The following E2F6 variants were observed in gnomAD, a reference collection of about 807,000 sequenced individuals.
The protein encoded by E2F6 is transcription factor E2F6.
Under a neutral mutation model 31.5 loss-of-function variants are expected in E2F6, and 19 were observed. That is an observed-to-expected ratio of 0.60 (90% CI 0.42 to 0.89). E2F6 has a LOEUF of 0.89. Among genes scored for constraint, E2F6 ranks in the 40% least tolerant of loss-of-function variants. The probability of loss-of-function intolerance (pLI) is 0.00; values close to 1 mark genes in which losing one functional copy is unlikely to be tolerated. For missense variants in E2F6, 269 were observed against 341.6 expected (o/e 0.79, Z 1.67); for synonymous variants, 121 against 127.7 (o/e 0.95, Z 0.36).
chr2:11,456,365 A>G (rs956451965), intron 2 of E2F6, among the ~76,000 whole-genome samples: 11 of 152,108 alleles, frequency 7.2e-5, no homozygotes, highest in African/African-American at 2.7e-4. Flanking sequence ...TAAGAAGGAG[A>G]CCCAGCAACT....
At chr2:11,451,528 T>G in intron 4 of E2F6, 123 bp downstream of exon 4, 1 of 1,056,114 alleles carries the variant, frequency 9.5e-7, no homozygotes, top group Non-Finnish European at 1.3e-6. Context: ...AATTTTGTAT[T>G]TAACTTTCAA....
At position 11,466,104 on chromosome 2, in the gene E2F6, G is replaced by C; in HGVS notation, c.-225C>G. The C allele has an allele frequency of 2.0e-6, 1 of 495,024 alleles. No homozygotes were observed. The highest frequency in any genetic ancestry group is 3.5e-6 in the Non-Finnish European group (1 of 282,920). 30.7% of individuals were successfully genotyped at this position (495,024 alleles called of 1,614,324 possible). On this transcript the variant is annotated 5_prime_UTR_variant, in exon 1 of 7. Coordinates refer to ENST00000381525, the MANE Select transcript of E2F6 (RefSeq NM_198256.4). ...CCCGACGCAGACGGAAAAAGAGGAG[G>C]GAGACCCGCGGATCTCAAGTCGCCC...
In E2F6 at chr2:11,449,246, T is replaced by C. The variant is rs565642713; in HGVS notation, c.651+766A>G. On this transcript the variant is annotated intron_variant, in intron 5 of 6. Transcript: ENST00000381525. ...GAAAGCCAGCCCTTACCCCATACAC[T>C]GTGGAGTAATACAGGGCTCACTTGA... 1.6e-3 allele frequency among the ~76,000 whole-genome samples: 251 copies of C among 152,230 alleles called. 1 individual carries two copies. Among genetic ancestry groups the C allele is most frequent in the African/African-American group, 5.8e-3 (240 of 41,546 alleles).
chr2:11,459,913 T>C (rs572399387), intron 1 of E2F6, among the ~76,000 whole-genome samples: 6 of 152,116 alleles, frequency 3.9e-5, no homozygotes, highest in Non-Finnish European at 7.4e-5. Context: ...AATAGGCAGA[T>C]TGTTTGCATG....
In E2F6 at chr2:11,444,470, G is replaced by C. The variant is rs1246424438; in HGVS notation, c.*2007C>G. On this transcript the variant is annotated 3_prime_UTR_variant, in exon 7 of 7. Coordinates refer to ENST00000381525, the MANE Select transcript of E2F6 (RefSeq NM_198256.4). The stretch of plus-strand genomic sequence containing the variant: ...TCTCATTTTACCTTCAGAACAATTT[G>C]TAAAGGAGAACATTTGCCACATTCA... 6.6e-6 allele frequency: 1 copy of C among 152,178 alleles called. No individual in the cohort carries two copies. Among genetic ancestry groups the C allele is most frequent in the Non-Finnish European group, 1.5e-5 (1 of 68,020 alleles). 9.4% of individuals were successfully genotyped at this position (152,178 alleles called of 1,614,324 possible). A position where few individuals can be genotyped will look rare whatever the true frequency, so the allele number is the denominator to read the frequency against.
intron 5 of E2F6, among the ~76,000 whole-genome samples, chr2:11,448,434 T>C (rs1333062282): frequency 6.6e-6 from 1 of 152,180 alleles, no homozygotes; most frequent in Non-Finnish European, 1.5e-5. Context: ...AAGTCTGTTT[T>C]CTCCCCTTTA....
At chr2:11,460,722 C>CTA (rs760748944) in intron 1 of E2F6, among the ~76,000 whole-genome samples, 1 of 152,192 alleles carries the variant, frequency 6.6e-6, no homozygotes, top group Non-Finnish European at 1.5e-5. Context: ...CACACCTAGG[C>CTA]TATACAGTAT....
chr2:11,450,203 G>A (rs959691143), intron 4 of E2F6, 77 bp from the exon 5 acceptor site: 61 of 906,492 alleles, frequency 6.7e-5, no homozygotes, highest in East Asian at 4.4e-4. Flanking sequence ...TTCAGTTAAC[G>A]CAAGGGTAAT....
intron 5 of E2F6, 99 bp from the exon 6 acceptor site, chr2:11,447,873 A>G: frequency 7.2e-7 from 1 of 1,388,740 alleles, no homozygotes; most frequent in South Asian, 1.4e-5. Context: ...TGAGAAAATC[A>G]CCTTAGCTGT....
chr2:11,456,869 C>T (rs1671438666), intron 2 of E2F6: 1 of 311,814 alleles, frequency 3.2e-6, no homozygotes, highest in Admixed American at 5.3e-5. Flanking sequence ...ATCCTATCGC[C>T]TCTAACAGAT....
chr2:11,453,012 C>A (rs1671167888), intron 3 of E2F6, among the ~76,000 whole-genome samples: 1 of 152,126 alleles, frequency 6.6e-6, no homozygotes, highest in Non-Finnish European at 1.5e-5. Context: ...GTAACTATTT[C>A]TCCCTGTCCC....
rs1259154384 is a variant in E2F6 at position 11,465,937 on chromosome 2, C to T, written c.-58G>A. The T allele has an allele frequency of 9.9e-6, 14 of 1,415,220 alleles. No homozygotes were observed. Among genetic ancestry groups the T allele is most frequent in the Non-Finnish European group, 1.3e-5 (14 of 1,059,378 alleles). The allele number at this position is 1,415,220 out of a possible 1,614,324, so 87.7% of individuals were successfully genotyped here. ...CCCCACGAGCTCTCCCGCCCTCTCG[C>T]GCTCAGCTCGAGCACCGCCCCCCAC... On this transcript the variant is annotated 5_prime_UTR_variant, in exon 1 of 7. Coordinates refer to ENST00000381525, the MANE Select transcript of E2F6 (RefSeq NM_198256.4).
rs1558449843 is a variant in E2F6, at chr2:11,447,784, G to C, written c.652-10C>G. On this transcript the variant is annotated splice_polypyrimidine_tract_variant and intron_variant, in intron 5 of 6. Coordinates refer to ENST00000381525, the MANE Select transcript of E2F6 (RefSeq NM_198256.4). The stretch of plus-strand genomic sequence containing the variant: ...GCACTGTGATAGAGTCCTAGCAAAG[G>C]ACACAGGAATCGTCAAGATGAATGA... 2 of 1,602,424 alleles carry C rather than the reference G, an allele frequency of 1.2e-6. No individual in the cohort carries two copies. Among genetic ancestry groups the C allele is most frequent in the Admixed American group, 3.5e-5 (2 of 57,432 alleles).
chr2:11,454,368 TGA>T (rs1410285737), intron 2 of E2F6, among the ~76,000 whole-genome samples: 10 of 151,504 alleles, frequency 6.6e-5, no homozygotes, highest in Non-Finnish European at 2.9e-5. Context: ...TTTTTTTTTT[TGA>T]GAGAGTCTCG....
intron 2 of E2F6, among the ~76,000 whole-genome samples, chr2:11,454,086 C>T (rs896545113): frequency 2.0e-5 from 3 of 152,142 alleles, no homozygotes; most frequent in African/African-American, 7.2e-5. Context: ...TGTATCTTCT[C>T]GGACAAAGCA....
intron 2 of E2F6, chr2:11,455,548 A>G: frequency 1.1e-6 from 1 of 943,348 alleles, no homozygotes; most frequent in Non-Finnish European, 1.5e-6. Flanking sequence ...CAATTCTACA[A>G]CAAACTCAGG....
Position 11,465,845 on chromosome 2 carries a change from C to G in E2F6, c.35G>C (p.Ser12Thr). The G allele has an allele frequency of 6.3e-7, 1 of 1,587,088 alleles. No homozygotes were observed. Among genetic ancestry groups the G allele is most frequent in the Non-Finnish European group, 8.6e-7 (1 of 1,167,760 alleles). ...CTCCTCCGTCGGGTCCAGGAGGAGA[C>G]TGGGTAACTTCCTCGCCGGCCGCTG... is the stretch of plus-strand genomic sequence containing the variant. ...SQQRPARKLPSLLLDPTEETV... is the reference protein window; with the variant it reads ...SQQRPARKLPTLLLDPTEETV... The change falls in exon 1 of 7, where the codon AGT becomes ACT. Residue 12 changes from serine (S) to threonine (T), a missense_variant. Ser to Thr is a moderately conservative substitution (Grantham distance 58, BLOSUM62 1). Coordinates refer to ENST00000381525, the MANE Select transcript of E2F6 (RefSeq NM_198256.4).
At position 11,466,142 on chromosome 2, in the gene E2F6, T is replaced by G; in HGVS notation, c.-263A>C. 3 of 432,252 alleles carry G rather than the reference T, an allele frequency of 6.9e-6. No individual in the cohort carries two copies. Among genetic ancestry groups the G allele is most frequent in the East Asian group, 4.4e-5 (1 of 22,928 alleles). The allele number at this position is 432,252 out of a possible 1,614,324, so 26.8% of individuals were successfully genotyped here. A position where few individuals can be genotyped will look rare whatever the true frequency, so the allele number is the denominator to read the frequency against. On this transcript the variant is annotated 5_prime_UTR_variant, in exon 1 of 7. Transcript: ENST00000381525. The stretch of plus-strand genomic sequence containing the variant: ...TCTCAAGTCGCCCGGCCCGCCATCT[T>G]CCCGCATGCGCAGTACACCGCCCCC...
chr2:11,454,938 G>A (rs989485711), intron 2 of E2F6, among the ~76,000 whole-genome samples: 5 of 152,210 alleles, frequency 3.3e-5, no homozygotes, highest in Admixed American at 2.0e-4. Flanking sequence ...ATGCTTAACT[G>A]TATGCAGTAT....
Sources: allele counts gnomAD v4.1 joint callset (sites outside exome capture counted in the v4.1 genomes callset), GRCh38; gene constraint gnomAD v4.1.1; transcripts MANE v1.5; gene names NCBI Gene and HGNC (gene_info 2026-07-23, HGNC 2026-07-21).